The following PROS1 variants were observed in gnomAD, a reference collection of about 807,000 sequenced individuals.
The protein encoded by PROS1 is vitamin K-dependent protein S.
A neutral mutation model predicts 75.9 loss-of-function variants in PROS1; 29 were observed. The ratio of observed to expected loss-of-function variants is 0.38; its 90% CI spans 0.28 to 0.52. The LOEUF (loss-of-function observed/expected upper bound fraction) is 0.52. Among genes scored for constraint, PROS1 ranks in the 20% least tolerant of loss-of-function variants. The probability of loss-of-function intolerance (pLI) is 0.83; values close to 1 mark genes in which losing one functional copy is unlikely to be tolerated. For synonymous variants in PROS1, 245 were observed against 280.6 expected (o/e 0.87, Z 1.27); for missense variants, 680 against 810.3 (o/e 0.84, Z 1.95).
intron 4 of PROS1, among the ~76,000 whole-genome samples, chr3:93,908,193 T>C (rs1287110780): frequency 6.6e-6 from 1 of 152,154 alleles, no homozygotes; most frequent in African/African-American, 2.4e-5. Flanking sequence ...TAACAAGGAA[T>C]AGATTTATCT....
intron 1 of PROS1, among the ~76,000 whole-genome samples, chr3:93,932,334 C>T (rs1457299307): frequency 1.3e-5 from 2 of 152,174 alleles, no homozygotes; most frequent in Non-Finnish European, 2.9e-5. Context: ...ACACAGACAA[C>T]CAGCATCCAA....
intron 1 of PROS1, among the ~76,000 whole-genome samples, chr3:93,968,852 C>T (rs1211823248): frequency 6.6e-6 from 1 of 152,150 alleles, no homozygotes; most frequent in Non-Finnish European, 1.5e-5. Context: ...TGACTACTGT[C>T]CACAGGAGAA....
At chr3:93,969,300 T>C (rs1709839852) in intron 1 of PROS1, among the ~76,000 whole-genome samples, 1 of 152,084 alleles carries the variant, frequency 6.6e-6, no homozygotes, top group Admixed American at 6.6e-5. Flanking sequence ...GAGGAGAGGG[T>C]TCTTTCTCTG....
intron 1 of PROS1, among the ~76,000 whole-genome samples, chr3:93,950,471 C>T (rs542694092): frequency 3.9e-5 from 6 of 152,148 alleles, no homozygotes; most frequent in Non-Finnish European, 8.8e-5. Flanking sequence ...CCAGGTGTCC[C>T]TCTGAGACGA....
chr3:93,928,011 A>ATATATTT lies in PROS1; in HGVS notation c.77-605_77-604insAAATATA, dbSNP rs1235149837. 2.7e-3 allele frequency among the ~76,000 whole-genome samples: 119 copies of ATATATTT among 44,464 alleles called. 8 individuals are homozygous for ATATATTT. Among genetic ancestry groups the ATATATTT allele is most frequent in the East Asian group, 7.2e-3 (10 of 1,382 alleles). The allele number at this position is 44,464 out of a possible 152,430, so 29.2% of individuals were successfully genotyped here. A position where few individuals can be genotyped will look rare whatever the true frequency, so the allele number is the denominator to read the frequency against. The stretch of plus-strand genomic sequence containing the variant: ...TGTGTGTGTATATATATATATATAT[A>ATATATTT]TTTTTTTTTTTTTTTTTTTTTGAGA... On this transcript the variant is annotated intron_variant, in intron 1 of 14. Transcript: ENST00000394236.
chr3:93,939,484 G>A (rs943760919), intron 1 of PROS1, among the ~76,000 whole-genome samples: 9 of 151,816 alleles, frequency 5.9e-5, no homozygotes, highest in Non-Finnish European at 1.3e-4. Context: ...ATTCTTCCTC[G>A]GCCTCCACTC....
rs544420601 is a variant in PROS1, at chr3:93,969,871, A to G, written c.76+3803T>C. On this transcript the variant is annotated intron_variant, in intron 1 of 14. Transcript: ENST00000394236. Reference sequence around the variant, plus strand: ...ATCAGGCATAATATTTTGAAGGTTTAAGTATGTATATAGATCGCTCAAGCT... The same window carrying G: ...ATCAGGCATAATATTTTGAAGGTTTGAGTATGTATATAGATCGCTCAAGCT... Among the ~76,000 whole-genome samples, 39 of 152,316 alleles carry G rather than the reference A, an allele frequency of 2.6e-4. 1 individual carries two copies. In the South Asian group the frequency reaches 7.5e-3, roughly 29 times the overall value.
chr3:93,917,734 GC>G, intron 3 of PROS1, among the ~76,000 whole-genome samples: 1 of 152,286 alleles, frequency 6.6e-6, no homozygotes, highest in South Asian at 2.1e-4. Context: ...ACCCGGGCCA[GC>G]AGCTGTGGAG....
At chr3:93,886,074 G>A (rs1218862544) in intron 11 of PROS1, among the ~76,000 whole-genome samples, 2 of 152,036 alleles carry the variant, frequency 1.3e-5, no homozygotes, top group Non-Finnish European at 2.9e-5. Context: ...ACATTCTCAA[G>A]TGTTAACTTG....
chr3:93,941,560 T>C (rs1248208784), intron 1 of PROS1, among the ~76,000 whole-genome samples: 2 of 152,206 alleles, frequency 1.3e-5, no homozygotes, highest in African/African-American at 4.8e-5. Flanking sequence ...CTAAATCCTT[T>C]GCCCACTCCT....
intron 12 of PROS1, among the ~76,000 whole-genome samples, chr3:93,879,560 T>C (rs1334278844): frequency 1.3e-5 from 2 of 152,212 alleles, no homozygotes; most frequent in Non-Finnish European, 2.9e-5. Flanking sequence ...ATTGTGGTGT[T>C]AAGGATTATC....
chr3:93,874,263 T>C lies in PROS1; in HGVS notation c.2013A>G (p.Lys671=). The C allele has an allele frequency of 6.2e-7, 1 of 1,613,422 alleles. No homozygotes were observed. The highest frequency in any genetic ancestry group is 8.5e-7 in the Non-Finnish European group (1 of 1,179,494). The change falls in exon 15 of 15, where the codon AAA becomes AAG. Residue 671 remains lysine, a synonymous_variant. Transcript: ENST00000394236. ...AGATGCCTTAAGAATTCTTTGTCTTTTTCCAAACTGATGGACATGAGTGAG... is the reference window on the plus strand; with the variant it reads ...AGATGCCTTAAGAATTCTTTGTCTTCTTCCAAACTGATGGACATGAGTGAG... ...IRAHSCPSVW[K]KTKNS
chr3:93,893,575 T>C lies in PROS1; in HGVS notation c.966-453A>G, dbSNP rs372352077. Among the ~76,000 whole-genome samples the C allele has an allele frequency of 3.9e-5, 6 of 152,168 alleles. No individual in the cohort carries two copies. In the East Asian group the frequency reaches 7.7e-4, roughly 20 times the overall value. ...TTTTTGTTTTTGCTGTATCCATAAGTGATCATAAAATGTGTTACAATTTCA... is the reference window on the plus strand; with the variant it reads ...TTTTTGTTTTTGCTGTATCCATAAGCGATCATAAAATGTGTTACAATTTCA... On this transcript the variant is annotated intron_variant, in intron 9 of 14. Transcript: ENST00000394236.
At chr3:93,928,416 C>T (rs1709058618) in intron 1 of PROS1, among the ~76,000 whole-genome samples, 1 of 151,070 alleles carries the variant, frequency 6.6e-6, no homozygotes, top group African/African-American at 2.4e-5. Flanking sequence ...TGCCTGTAAT[C>T]CCAGCTATTT....
rs534229776 is a variant in PROS1, at chr3:93,927,012, T to G, written c.234+238A>C. Among the ~76,000 whole-genome samples, 9 of 152,332 alleles carry G rather than the reference T, an allele frequency of 5.9e-5. No individual in the cohort carries two copies. The East Asian group carries it at 1.7e-3, about 29-fold the overall frequency. ...TGAGGTCAATACTATTTGCTGATAA[T>G]GAGGTGTAACTGAACTATAGTTTAG... On this transcript the variant is annotated intron_variant, in intron 2 of 14. Transcript: ENST00000394236.
chr3:93,881,423 T>A (rs566375324), intron 12 of PROS1, among the ~76,000 whole-genome samples: 227 of 152,318 alleles, frequency 1.5e-3, no homozygotes, highest in Non-Finnish European at 1.3e-3. Flanking sequence ...ATGTTCACTA[T>A]TTGGGTGATG....
chr3:93,901,624 A>G (rs1251385880), intron 6 of PROS1, among the ~76,000 whole-genome samples: 3 of 152,218 alleles, frequency 2.0e-5, no homozygotes, highest in African/African-American at 7.2e-5. Context: ...CTGGAGAAAG[A>G]CAAATTCAGA....
At chr3:93,885,839 G>C (rs192515182) in intron 11 of PROS1, among the ~76,000 whole-genome samples, 1 of 152,110 alleles carries the variant, frequency 6.6e-6, no homozygotes, top group African/African-American at 2.4e-5. Context: ...AATGAAAGAC[G>C]GATGTAAGAT....
chr3:93,945,855 G>C (rs1709385811), intron 1 of PROS1, among the ~76,000 whole-genome samples: 1 of 152,192 alleles, frequency 6.6e-6, no homozygotes, highest in Non-Finnish European at 1.5e-5. Context: ...AGTAGGAAAA[G>C]AGGAAGTCAA....
Sources: gnomAD v4.1 joint callset for allele counts (sites outside exome capture counted in the v4.1 genomes callset) on GRCh38, gnomAD v4.1.1 for gene constraint, MANE v1.5 for transcripts, NCBI Gene and HGNC (gene_info 2026-07-23, HGNC 2026-07-21) for gene names.